The following GRPEL1 variants were observed in gnomAD, a reference collection of about 807,000 sequenced individuals.
GRPEL1 encodes grpE protein homolog 1, mitochondrial.
GRPEL1 carries 13 observed loss-of-function variants against 22.1 expected under a neutral mutation model. The ratio of observed to expected loss-of-function variants is 0.59; its 90% CI spans 0.38 to 0.94. The LOEUF is 0.94. Among genes scored for constraint, GRPEL1 ranks in the 40% least tolerant of loss-of-function variants. The probability of loss-of-function intolerance (pLI) is 0.00; values close to 1 mark genes in which losing one functional copy is unlikely to be tolerated. For synonymous variants in GRPEL1, 109 were observed against 105.3 expected (o/e 1.03, Z -0.21); for missense variants, 289 against 264.6 (o/e 1.09, Z -0.64).
chr4:7,062,374 G>T lies in GRPEL1; in HGVS notation c.307+11C>A. 1 of 1,445,390 alleles carries T rather than the reference G, an allele frequency of 6.9e-7. No individual in the cohort carries two copies. Among genetic ancestry groups the T allele is most frequent in the Non-Finnish European group, 9.7e-7 (1 of 1,034,110 alleles). The allele number at this position is 1,445,390 out of a possible 1,614,324, so 89.5% of individuals were successfully genotyped here. On this transcript the variant is annotated intron_variant, in intron 3 of 3. Transcript: ENST00000264954. ...CTTTCCGGAATCAACACCATGTTAT[G>T]TTGAAAGTACCGTATAATTTTGCCT...
intron 1 of GRPEL1, among the ~76,000 whole-genome samples, chr4:7,066,187 C>A (rs184722790): frequency 7.6e-4 from 115 of 152,306 alleles, no homozygotes; most frequent in African/African-American, 2.6e-3. Flanking sequence ...CAGATTAAAA[C>A]TGCTTCAACG....
Position 7,061,008 on chromosome 4 carries a change from A to ATG in GRPEL1, c.507_508insCA (p.Phe170HisfsTer25). 2 of 1,614,166 alleles carry ATG rather than the reference A, an allele frequency of 1.2e-6. No homozygotes were observed. The highest frequency in any genetic ancestry group is 1.7e-6 in the Non-Finnish European group (2 of 1,180,026). On this transcript the variant is annotated frameshift_variant, in exon 4 of 4. Coordinates refer to ENST00000264954, the MANE Select transcript of GRPEL1 (RefSeq NM_025196.4). LOFTEE classifies it high-confidence loss of function. ...AAGGCCTCATGTTCATAAGGGTCGAACTTGGCTCCGACAGGGTTCAACTTG... is the reference window on the plus strand; with the variant it reads ...AAGGCCTCATGTTCATAAGGGTCGAATGCTTGGCTCCGACAGGGTTCAACTTG...
intron 1 of GRPEL1, among the ~76,000 whole-genome samples, chr4:7,067,164 T>C (rs549784731): frequency 3.3e-5 from 5 of 152,230 alleles, no homozygotes; most frequent in Admixed American, 2.6e-4. Flanking sequence ...GCTTCTCTAA[T>C]CAATAACTTG....
chr4:7,061,233 T>C (rs533974173), intron 3 of GRPEL1, 25 bp from the exon 4 acceptor site: 1 of 1,574,632 alleles, frequency 6.4e-7, no homozygotes, highest in East Asian at 2.2e-5. Context: ...AGAAGATCAT[T>C]TGCACTCCAT....
chr4:7,061,514 G>C (rs757435160), intron 3 of GRPEL1: 5 of 305,160 alleles, frequency 1.6e-5, no homozygotes, highest in Non-Finnish European at 2.5e-5. Flanking sequence ...TTAGGGGACT[G>C]GAACTCGGAA....
chr4:7,064,396 T>C, intron 1 of GRPEL1, 173 bp from the exon 2 acceptor site: 2 of 554,734 alleles, frequency 3.6e-6, no homozygotes, highest in Non-Finnish European at 6.2e-6. Context: ...AGAAGCTATA[T>C]TAGTAAATAT....
In GRPEL1 at chr4:7,060,781, G is replaced by A. The variant is rs187071630; in HGVS notation, c.*81C>T. 3.5e-4 allele frequency: 435 copies of A among 1,258,418 alleles called. No individual in the cohort carries two copies. Among genetic ancestry groups the A allele is most frequent in the Non-Finnish European group, 4.5e-4 (401 of 893,998 alleles). The allele number at this position is 1,258,418 out of a possible 1,614,324, so 78.0% of individuals were successfully genotyped here. A position where few individuals can be genotyped will look rare whatever the true frequency, so the allele number is the denominator to read the frequency against. On this transcript the variant is annotated 3_prime_UTR_variant, in exon 4 of 4. Transcript: ENST00000264954. ...AATAAGGTTTGGGAAAAGGTCACAC[G>A]TACTCATAGATGAGAAACAATGAAC...
At chr4:7,062,801 C>T (rs913485841) in intron 2 of GRPEL1, among the ~76,000 whole-genome samples, 1 of 152,100 alleles carries the variant, frequency 6.6e-6, no homozygotes, top group East Asian at 1.9e-4. Context: ...TGTGGGCCAC[C>T]ATGCCTGGCC....
chr4:7,060,972 G>T lies in GRPEL1; in HGVS notation c.544C>A (p.Pro182Thr). 5.6e-6 allele frequency: 9 copies of T among 1,614,176 alleles called. No individual in the cohort carries two copies. The highest frequency in any genetic ancestry group is 7.6e-6 in the Non-Finnish European group (9 of 1,180,038). ...PYEHEALFHT[P>T]VEGKEPGTVA... ...GTGCCTGGCTCCTTCCCCTCAACCG[G>T]TGTGTGGAACAAGGCCTCATGTTCA... Residue 182 changes from proline to threonine, a missense_variant, in exon 4 of 4, where the codon CCG becomes ACG. Coordinates refer to ENST00000264954, the MANE Select transcript of GRPEL1 (RefSeq NM_025196.4).
Position 7,060,703 on chromosome 4 carries a change from A to G in GRPEL1, c.*159T>C. The G allele has an allele frequency of 1.5e-6, 1 of 681,548 alleles. No homozygotes were observed. The highest frequency in any genetic ancestry group is 2.5e-5 in the East Asian group (1 of 40,084). The allele number at this position is 681,548 out of a possible 1,614,324, so 42.2% of individuals were successfully genotyped here. The stretch of plus-strand genomic sequence containing the variant: ...CAGACTCCCGAATTAGAGTTCATTA[A>G]TGCAGTTGGGCAACCGGCTTTTCTG... On this transcript the variant is annotated 3_prime_UTR_variant, in exon 4 of 4. Coordinates refer to ENST00000264954, the MANE Select transcript of GRPEL1 (RefSeq NM_025196.4).
rs931753505 is a variant in GRPEL1, at chr4:7,059,692, C to T, written c.*1170G>A. ...TCACAAGTATCTTCCATTCTAGAAG[C>T]AAAGGCAGCGAAAGGTTCTTTTCTC... is the stretch of plus-strand genomic sequence containing the variant. On this transcript the variant is annotated 3_prime_UTR_variant, in exon 4 of 4. Transcript: ENST00000264954. 1 of 152,260 alleles carries T rather than the reference C, an allele frequency of 6.6e-6. No individual in the cohort carries two copies. The highest frequency in any genetic ancestry group is 1.5e-5 in the Non-Finnish European group (1 of 68,052). 9.4% of individuals were successfully genotyped at this position (152,260 alleles called of 1,614,324 possible).
rs778332624 is a variant in GRPEL1 at position 7,060,587 on chromosome 4, G to A, written c.*275C>T. ...GTGTCAGCAGAGTCTGAGCAGACAC[G>A]TTACTCATGATGCTCGGGAGACCAG... On this transcript the variant is annotated 3_prime_UTR_variant, in exon 4 of 4. Transcript: ENST00000264954. The A allele has an allele frequency of 3.5e-4, 165 of 471,322 alleles. No individual in the cohort carries two copies. The highest frequency in any genetic ancestry group is 2.1e-3 in the African/African-American group (109 of 51,698). 29.2% of individuals were successfully genotyped at this position (471,322 alleles called of 1,614,324 possible).
At position 7,059,488 on chromosome 4, in the gene GRPEL1, T is replaced by G. The variant is rs1488290350; in HGVS notation, c.*1374A>C. On this transcript the variant is annotated 3_prime_UTR_variant, in exon 4 of 4. Coordinates refer to ENST00000264954, the MANE Select transcript of GRPEL1 (RefSeq NM_025196.4). ...CAGCGCTGGAGCTCCCAGTCATGTTTTCTTCAATACACGATGCTGCCTTTA... is the reference window on the plus strand; with the variant it reads ...CAGCGCTGGAGCTCCCAGTCATGTTGTCTTCAATACACGATGCTGCCTTTA... 1 of 152,242 alleles carries G rather than the reference T, an allele frequency of 6.6e-6. No homozygotes were observed. The highest frequency in any genetic ancestry group is 2.4e-5 in the African/African-American group (1 of 41,452). The allele number at this position is 152,242 out of a possible 1,614,324, so 9.4% of individuals were successfully genotyped here.
Position 7,068,050 on chromosome 4 carries a change from G to T in GRPEL1, c.-18C>A, listed in dbSNP as rs780674827. The stretch of plus-strand genomic sequence containing the variant: ...GCCGCCATGACTGCCACTGCCCGTC[G>T]CAGTCGCCGCGCACGCACCAAGCGT... On this transcript the variant is annotated 5_prime_UTR_variant, in exon 1 of 4. Coordinates refer to ENST00000264954, the MANE Select transcript of GRPEL1 (RefSeq NM_025196.4). 1 of 1,611,398 alleles carries T rather than the reference G, an allele frequency of 6.2e-7. No homozygotes were observed. Among genetic ancestry groups the T allele is most frequent in the South Asian group, 1.1e-5 (1 of 90,754 alleles).
In GRPEL1 at chr4:7,060,845, C is replaced by T. The variant is rs1239005817; in HGVS notation, c.*17G>A. 2 of 1,590,068 alleles carry T rather than the reference C, an allele frequency of 1.3e-6. No homozygotes were observed. The highest frequency in any genetic ancestry group is 2.7e-5 in the African/African-American group (2 of 74,258). On this transcript the variant is annotated 3_prime_UTR_variant, in exon 4 of 4. Transcript: ENST00000264954. The stretch of plus-strand genomic sequence containing the variant: ...TACATCAAGTGAGTTTAAAAACACC[C>T]ACCCCATCAACAGCAGCTAAGCTTC...
At position 7,060,983 on chromosome 4, in the gene GRPEL1, A is replaced by C. The variant is rs1209287707; in HGVS notation, c.533T>G (p.Leu178Trp). The change falls in exon 4 of 4, where the codon TTG becomes TGG. Residue 178 changes from leucine to tryptophan, a missense_variant. Coordinates refer to ENST00000264954, the MANE Select transcript of GRPEL1 (RefSeq NM_025196.4). ...AKFDPYEHEA[L>W]FHTPVEGKEP... The stretch of plus-strand genomic sequence containing the variant: ...CTTCCCCTCAACCGGTGTGTGGAAC[A>C]AGGCCTCATGTTCATAAGGGTCGAA... 1 of 1,614,182 alleles carries C rather than the reference A, an allele frequency of 6.2e-7. No homozygotes were observed.
rs764114428 is a variant in GRPEL1, at chr4:7,060,954, G to C, written c.562C>G (p.Pro188Ala). Residue 188 changes from proline (P) to alanine (A), a missense_variant, in exon 4 of 4, where the codon CCA becomes GCA. Coordinates refer to ENST00000264954, the MANE Select transcript of GRPEL1 (RefSeq NM_025196.4). ...LFHTPVEGKE[P>A]GTVALVSKVG... Reference sequence around the variant, plus strand: ...TTGCTAACTAGGGCCACTGTGCCTGGCTCCTTCCCCTCAACCGGTGTGTGG... The same window carrying C: ...TTGCTAACTAGGGCCACTGTGCCTGCCTCCTTCCCCTCAACCGGTGTGTGG... 3.7e-6 allele frequency: 6 copies of C among 1,614,062 alleles called. No individual in the cohort carries two copies. The highest frequency in any genetic ancestry group is 5.1e-6 in the Non-Finnish European group (6 of 1,180,052).
rs1724110633 is a variant in GRPEL1, at chr4:7,064,323, A to ATG, written c.63-101_63-100insCA. The stretch of plus-strand genomic sequence containing the variant: ...AACTTAAAATAGCTTCAAACTATTT[A>ATG]CTATTACTTGGGGAGAAAACATTTC... On this transcript the variant is annotated intron_variant, in intron 1 of 3. Transcript: ENST00000264954. 6 of 1,251,792 alleles carry ATG rather than the reference A, an allele frequency of 4.8e-6. No homozygotes were observed. In the East Asian group the frequency reaches 7.4e-5, roughly 15 times the overall value. The allele number at this position is 1,251,792 out of a possible 1,614,324, so 77.5% of individuals were successfully genotyped here. A position where few individuals can be genotyped will look rare whatever the true frequency, so the allele number is the denominator to read the frequency against.
In GRPEL1 at chr4:7,060,817, A is replaced by G; in HGVS notation, c.*45T>C. ...TGAGAAACAATGAACCAGCCTTGAG[A>G]GTTACATCAAGTGAGTTTAAAAACA... On this transcript the variant is annotated 3_prime_UTR_variant, in exon 4 of 4. Transcript: ENST00000264954. 6.8e-7 allele frequency: 1 copy of G among 1,475,978 alleles called. No homozygotes were observed. Among genetic ancestry groups the G allele is most frequent in the Non-Finnish European group, 9.3e-7 (1 of 1,076,396 alleles). The allele number at this position is 1,475,978 out of a possible 1,614,324, so 91.4% of individuals were successfully genotyped here. A position where few individuals can be genotyped will look rare whatever the true frequency, so the allele number is the denominator to read the frequency against.
Sources: gnomAD v4.1 joint callset for allele counts (sites outside exome capture counted in the v4.1 genomes callset) on GRCh38, gnomAD v4.1.1 for gene constraint, MANE v1.5 for transcripts, NCBI Gene and HGNC (gene_info 2026-07-23, HGNC 2026-07-21) for gene names.